GNG12: variants seen among roughly 807,000 people sequenced by gnomAD.
The protein encoded by GNG12 is G protein subunit gamma 12.
For synonymous variants in GNG12, 28 were observed against 29.7 expected (o/e 0.94, Z 0.19); for missense variants, 69 against 83.8 (o/e 0.82, Z 0.69).
At chr1:67,800,408 C>T (rs570134144) in intron 1 of GNG12, among the ~76,000 whole-genome samples, 11 of 152,206 alleles carry the variant, frequency 7.2e-5, no homozygotes, top group South Asian at 4.1e-4. Flanking sequence ...AAGTGACAGA[C>T]TATTCTTTTT....
At chr1:67,827,094 G>A (rs1251520411) in intron 1 of GNG12, among the ~76,000 whole-genome samples, 10 of 152,194 alleles carry the variant, frequency 6.6e-5, no homozygotes, top group Admixed American at 6.5e-4. Context: ...GTGCAGAGAT[G>A]GCAACTGATT....
At chr1:67,728,509 C>T (rs896040779) in intron 2 of GNG12, among the ~76,000 whole-genome samples, 3 of 152,108 alleles carry the variant, frequency 2.0e-5, no homozygotes, top group African/African-American at 7.2e-5. Flanking sequence ...ACTCAAGCCA[C>T]CAATTTAAGC....
intron 2 of GNG12, among the ~76,000 whole-genome samples, chr1:67,723,230 T>G (rs1244971046): frequency 6.6e-6 from 1 of 151,990 alleles, no homozygotes; most frequent in African/African-American, 2.4e-5. Flanking sequence ...TTCCAAGGGG[T>G]GCATGAAGAA....
chr1:67,757,705 C>A (rs1394324016), intron 2 of GNG12, among the ~76,000 whole-genome samples: 1 of 152,136 alleles, frequency 6.6e-6, no homozygotes, highest in African/African-American at 2.4e-5. Flanking sequence ...CTCTCCATCT[C>A]CTTTGATATG....
chr1:67,709,564 C>T (rs1288686726), intron 2 of GNG12, among the ~76,000 whole-genome samples: 1 of 151,798 alleles, frequency 6.6e-6, no homozygotes, highest in Non-Finnish European at 1.5e-5. Flanking sequence ...TGTGCTAAGC[C>T]TTGGACAAGC....
intron 1 of GNG12, among the ~76,000 whole-genome samples, chr1:67,788,422 C>A (rs903495679): frequency 1.3e-5 from 2 of 152,112 alleles, no homozygotes; most frequent in Non-Finnish European, 2.9e-5. Context: ...CCTGCAGCCC[C>A]TACCTCCTGG....
intron 2 of GNG12, among the ~76,000 whole-genome samples, chr1:67,756,931 G>T (rs976623239): frequency 1.3e-5 from 2 of 152,212 alleles, no homozygotes; most frequent in Non-Finnish European, 2.9e-5. Context: ...CAGGTGGCCT[G>T]ACAGGGCCTG....
intron 1 of GNG12, among the ~76,000 whole-genome samples, chr1:67,800,055 A>G (rs926083973): frequency 1.3e-5 from 2 of 152,206 alleles, no homozygotes; most frequent in African/African-American, 4.8e-5. Flanking sequence ...GGCTTCTTAC[A>G]GGCTGGCTGA....
At chr1:67,751,422 A>C (rs1646538328) in intron 2 of GNG12, among the ~76,000 whole-genome samples, 1 of 152,148 alleles carries the variant, frequency 6.6e-6, no homozygotes, top group Non-Finnish European at 1.5e-5. Context: ...AAAAGCTTTC[A>C]ATGGCTCAGG....
At chr1:67,804,912 C>T (rs1646886414) in intron 1 of GNG12, among the ~76,000 whole-genome samples, 1 of 152,080 alleles carries the variant, frequency 6.6e-6, no homozygotes, top group South Asian at 2.1e-4. Context: ...AGAAAAATCC[C>T]CTCATGCTTC....
intron 2 of GNG12, among the ~76,000 whole-genome samples, chr1:67,727,382 TGC>T (rs1646392774): frequency 6.6e-6 from 1 of 152,228 alleles, no homozygotes; most frequent in African/African-American, 2.4e-5. Context: ...AACACTTTTA[TGC>T]AAAATGTAAG....
chr1:67,747,682 G>A (rs1340150919), intron 2 of GNG12, among the ~76,000 whole-genome samples: 4 of 152,204 alleles, frequency 2.6e-5, no homozygotes, highest in Non-Finnish European at 5.9e-5. Context: ...CAGAAAGACT[G>A]AAGTACCTAA....
chr1:67,804,913 C>T (rs1248585168), intron 1 of GNG12, among the ~76,000 whole-genome samples: 2 of 152,222 alleles, frequency 1.3e-5, no homozygotes, highest in East Asian at 3.9e-4. Flanking sequence ...GAAAAATCCC[C>T]TCATGCTTCC....
intron 2 of GNG12, among the ~76,000 whole-genome samples, chr1:67,732,018 T>C (rs1646422888): frequency 6.6e-6 from 1 of 152,200 alleles, no homozygotes; most frequent in African/African-American, 2.4e-5. Flanking sequence ...CATTTATGAA[T>C]GAATAAGGAA....
chr1:67,786,468 C>T (rs911424915), intron 1 of GNG12, among the ~76,000 whole-genome samples: 5 of 152,086 alleles, frequency 3.3e-5, no homozygotes, highest in Admixed American at 6.5e-5. Context: ...ACTGGAGGGA[C>T]AATGACAGAC....
intron 2 of GNG12, among the ~76,000 whole-genome samples, chr1:67,734,121 G>C (rs1271113906): frequency 2.0e-5 from 3 of 151,976 alleles, no homozygotes; most frequent in Non-Finnish European, 1.5e-5. Context: ...AACCCTGATA[G>C]CTGTCCTGTG....
intron 1 of GNG12, among the ~76,000 whole-genome samples, chr1:67,788,340 T>C (rs1454162245): frequency 6.6e-6 from 1 of 152,080 alleles, no homozygotes; most frequent in Non-Finnish European, 1.5e-5. Context: ...TGTTTTGTTT[T>C]GTTTTGTTTT....
chr1:67,743,042 A>G (rs1006321428), intron 2 of GNG12, among the ~76,000 whole-genome samples: 9 of 152,276 alleles, frequency 5.9e-5, no homozygotes, highest in Admixed American at 5.2e-4. Context: ...AGAAGAGTAA[A>G]GATACAAGCT....
chr1:67,779,656 C>G (rs1646725989), intron 1 of GNG12, among the ~76,000 whole-genome samples: 1 of 152,184 alleles, frequency 6.6e-6, no homozygotes, highest in African/African-American at 2.4e-5. Context: ...ACTGCCTCAG[C>G]AACAACTTCT....
Sources: allele counts gnomAD v4.1 joint callset (sites outside exome capture counted in the v4.1 genomes callset), GRCh38; gene constraint gnomAD v4.1.1; transcripts MANE v1.5; gene names NCBI Gene and HGNC (gene_info 2026-07-23, HGNC 2026-07-21).